Variants in BAIAP2L1 observed in about 807,000 individuals in gnomAD.
BAIAP2L1 encodes BAR/IMD domain containing adaptor protein 2 like 1.
In BAIAP2L1, 35 loss-of-function variants were observed where a neutral mutation model predicts 66.3. That is an observed-to-expected ratio of 0.53 (90% CI 0.40 to 0.70). The LOEUF (loss-of-function observed/expected upper bound fraction) is 0.70. Ranked by LOEUF, BAIAP2L1 falls within the 30% of genes least tolerant of loss-of-function variation. The probability of loss-of-function intolerance (pLI) is 0.00; values close to 1 mark genes in which losing one functional copy is unlikely to be tolerated. For missense variants in BAIAP2L1, 622 were observed against 656.9 expected (o/e 0.95, Z 0.58); for synonymous variants, 269 against 248.7 (o/e 1.08, Z -0.77).
At chr7:98,329,496 G>C (rs930798875) in intron 3 of BAIAP2L1, among the ~76,000 whole-genome samples, 1 of 152,122 alleles carries the variant, frequency 6.6e-6, no homozygotes, top group African/African-American at 2.4e-5. Flanking sequence ...CATTCTCAAG[G>C]GGAGGTTGGA....
chr7:98,386,219 G>A, intron 1 of BAIAP2L1: 2 of 1,518,936 alleles, frequency 1.3e-6, no homozygotes, highest in Non-Finnish European at 9.1e-7. Context: ...ACATCAACGT[G>A]AGCTTCAATC....
intron 3 of BAIAP2L1, among the ~76,000 whole-genome samples, chr7:98,348,890 G>A (rs1053608294): frequency 7.2e-5 from 11 of 152,236 alleles, no homozygotes; most frequent in African/African-American, 2.2e-4. Context: ...CACCACTCCC[G>A]AGCATCTCTT....
At chr7:98,295,507 C>T (rs534902048) in intron 12 of BAIAP2L1, among the ~76,000 whole-genome samples, 23 of 152,272 alleles carry the variant, frequency 1.5e-4, no homozygotes, top group African/African-American at 5.1e-4. Flanking sequence ...TTATGATGGG[C>T]TAATTTATGA....
chr7:98,293,490 G>A lies in BAIAP2L1; in HGVS notation c.*31C>T. 2.5e-6 allele frequency: 4 copies of A among 1,597,126 alleles called. No homozygotes were observed. Among genetic ancestry groups the A allele is most frequent in the Non-Finnish European group, 3.4e-6 (4 of 1,166,082 alleles). On this transcript the variant is annotated 3_prime_UTR_variant, in exon 14 of 14. Transcript: ENST00000005260. The stretch of plus-strand genomic sequence containing the variant: ...CCCATCATTCCGCAAGGGAGAACCG[G>A]AGAGGCCCGGGAGAGTCCTTGGCTG...
intron 3 of BAIAP2L1, among the ~76,000 whole-genome samples, chr7:98,333,936 G>A (rs1271681077): frequency 6.6e-6 from 1 of 152,030 alleles, no homozygotes; most frequent in African/African-American, 2.4e-5. Context: ...GTAAAAAGAG[G>A]CATTTAAAAA....
At chr7:98,344,628 A>G (rs955177424) in intron 3 of BAIAP2L1, among the ~76,000 whole-genome samples, 1 of 152,124 alleles carries the variant, frequency 6.6e-6, no homozygotes, top group African/African-American at 2.4e-5. Context: ...TATGTATATT[A>G]AAGTGTATCT....
chr7:98,321,739 CA>C (rs1383400145), intron 3 of BAIAP2L1, among the ~76,000 whole-genome samples: 1 of 152,198 alleles, frequency 6.6e-6, no homozygotes, highest in Admixed American at 6.5e-5. Flanking sequence ...CCACCACCAT[CA>C]AACAATGCCG....
At chr7:98,310,018 T>A (rs1800811185) in intron 9 of BAIAP2L1, 1 of 159,200 alleles carries the variant, frequency 6.3e-6, no homozygotes, top group African/African-American at 2.4e-5. Flanking sequence ...CCTGGCTAAT[T>A]TTTTGTATTT....
chr7:98,380,078 CTTTT>C (rs113115306), intron 1 of BAIAP2L1, among the ~76,000 whole-genome samples: 7 of 140,374 alleles, frequency 5.0e-5, no homozygotes, highest in Middle Eastern at 3.7e-3. Context: ...CTCAAAAATG[CTTTT>C]TTTTTTTTTT....
intron 1 of BAIAP2L1, among the ~76,000 whole-genome samples, chr7:98,394,566 A>G (rs939466086): frequency 2.0e-5 from 3 of 152,218 alleles, no homozygotes; most frequent in Non-Finnish European, 4.4e-5. Flanking sequence ...GCAAAAATTA[A>G]AAGGATGGGA....
intron 3 of BAIAP2L1, among the ~76,000 whole-genome samples, chr7:98,353,351 AT>A (rs929201281): frequency 1.9e-4 from 26 of 139,632 alleles, no homozygotes; most frequent in Admixed American, 1.8e-3. Context: ...ATATATTTAT[AT>A]ATTTATATAT....
intron 2 of BAIAP2L1, among the ~76,000 whole-genome samples, chr7:98,356,333 G>C (rs1221127790): frequency 2.0e-5 from 3 of 152,032 alleles, no homozygotes; most frequent in Non-Finnish European, 2.9e-5. Context: ...CATTTATTTG[G>C]AATTTTACTC....
intron 7 of BAIAP2L1, 97 bp downstream of exon 7, chr7:98,315,363 T>C (rs1056007062): frequency 5.0e-6 from 6 of 1,195,638 alleles, no homozygotes; most frequent in African/African-American, 3.1e-5. Context: ...CCCAAAGTGC[T>C]GGGATTACAG....
intron 3 of BAIAP2L1, among the ~76,000 whole-genome samples, chr7:98,347,667 C>T (rs182146382): frequency 0.01 from 1,525 of 151,760 alleles, 30 homozygotes; most frequent in African/African-American, 0.035. Flanking sequence ...CCCAGCTACT[C>T]GGGAGGCTGA....
chr7:98,375,500 A>G (rs1001479522), intron 1 of BAIAP2L1, among the ~76,000 whole-genome samples: 22 of 152,068 alleles, frequency 1.4e-4, no homozygotes, highest in African/African-American at 5.3e-4. Context: ...CTATAATCCC[A>G]GCACTTTGGG....
At chr7:98,299,946 C>A (rs1312384320) in intron 12 of BAIAP2L1, among the ~76,000 whole-genome samples, 1 of 152,068 alleles carries the variant, frequency 6.6e-6, no homozygotes, top group Admixed American at 6.6e-5. Flanking sequence ...GAGGCTGAGG[C>A]GGGAGAATTG....
intron 3 of BAIAP2L1, among the ~76,000 whole-genome samples, chr7:98,351,727 C>A (rs993320742): frequency 6.6e-6 from 1 of 152,178 alleles, no homozygotes; most frequent in Non-Finnish European, 1.5e-5. Context: ...AATAAAGATG[C>A]TGATTGCTTA....
At chr7:98,381,908 A>G (rs1021243138) in intron 1 of BAIAP2L1, among the ~76,000 whole-genome samples, 2 of 145,728 alleles carry the variant, frequency 1.4e-5, no homozygotes, top group Non-Finnish European at 3.0e-5. Context: ...CCCCACCCAC[A>G]TTAGGGTAAA....
At chr7:98,324,504 CA>C (rs1043899209) in intron 3 of BAIAP2L1, among the ~76,000 whole-genome samples, 7 of 151,930 alleles carry the variant, frequency 4.6e-5, no homozygotes, top group Non-Finnish European at 8.8e-5. Context: ...GGAGTTAAAA[CA>C]AAAAAAGGAC....
Sources: gnomAD v4.1 joint callset for allele counts (sites outside exome capture counted in the v4.1 genomes callset) on GRCh38, gnomAD v4.1.1 for gene constraint, MANE v1.5 for transcripts, NCBI Gene and HGNC (gene_info 2026-07-23, HGNC 2026-07-21) for gene names.